RNF175: variants seen among roughly 807,000 people sequenced by gnomAD.
The protein encoded by RNF175 is ring finger protein 175.
RNF175 carries 38 observed loss-of-function variants against 50.0 expected under a neutral mutation model. The observed-to-expected ratio is 0.76, with a 90% CI of 0.59 to 1.00. The LOEUF is 1.00. Ranked by LOEUF, RNF175 falls within the 50% of genes least tolerant of loss-of-function variation. RNF175 has a pLI of 0.00. For missense variants in RNF175, 388 were observed against 409.6 expected, an observed-to-expected ratio of 0.95 and a Z score of 0.46; for synonymous variants, 155 against 146.1, an observed-to-expected ratio of 1.06 and a Z score of -0.44.
In RNF175 at chr4:153,723,553, A is replaced by G. The variant is rs932801663; in HGVS notation, c.402-95T>C. The G allele has an allele frequency of 1.5e-5, 10 of 648,302 alleles. No individual in the cohort carries two copies. In the Admixed American group the frequency reaches 2.6e-4, roughly 17 times the overall value. 40.2% of individuals were successfully genotyped at this position (648,302 alleles called of 1,614,324 possible). A position where few individuals can be genotyped will look rare whatever the true frequency, so the allele number is the denominator to read the frequency against. On this transcript the variant is annotated intron_variant, in intron 4 of 8. Coordinates refer to ENST00000347063, the MANE Select transcript of RNF175 (RefSeq NM_173662.4). ...ATTATAAAATATTTTGTCTTTTTCAAAGACTTATAAATCAGTTTTTAGTTT... is the reference window on the plus strand; with the variant it reads ...ATTATAAAATATTTTGTCTTTTTCAGAGACTTATAAATCAGTTTTTAGTTT...
intron 4 of RNF175, among the ~76,000 whole-genome samples, chr4:153,723,780 C>T (rs1490593421): frequency 2.0e-5 from 3 of 152,146 alleles, no homozygotes; most frequent in Admixed American, 2.0e-4. Flanking sequence ...CCACAGCGCC[C>T]CCTTCTCATT....
intron 3 of RNF175, among the ~76,000 whole-genome samples, chr4:153,733,340 A>T (rs1458033281): frequency 6.6e-6 from 1 of 152,244 alleles, no homozygotes; most frequent in Non-Finnish European, 1.5e-5. Flanking sequence ...AAGCTTTTAC[A>T]CATATTACTA....
chr4:153,756,069 C>A (rs768803558), intron 1 of RNF175, among the ~76,000 whole-genome samples: 1 of 152,112 alleles, frequency 6.6e-6, no homozygotes, highest in Non-Finnish European at 1.5e-5. Context: ...GGTGATACAT[C>A]CTGGGCATTT....
At chr4:153,734,669 T>C (rs76064339) in intron 3 of RNF175, among the ~76,000 whole-genome samples, 2,363 of 60,290 alleles carry the variant, frequency 0.039, 69 homozygotes, top group Non-Finnish European at 0.077. Context: ...TTTATTCTTT[T>C]TTTTTTTTTT....
At chr4:153,755,049 A>G (rs1740494188) in intron 1 of RNF175, among the ~76,000 whole-genome samples, 1 of 152,248 alleles carries the variant, frequency 6.6e-6, no homozygotes, top group African/African-American at 2.4e-5. Context: ...CCAGCACTGC[A>G]GGTAGGGAGA....
intron 3 of RNF175, among the ~76,000 whole-genome samples, chr4:153,738,882 T>G (rs2127142156): frequency 6.6e-6 from 1 of 152,332 alleles, no homozygotes; most frequent in Non-Finnish European, 1.5e-5. Context: ...TCAATTATAC[T>G]CCTTTACAAT....
intron 3 of RNF175, among the ~76,000 whole-genome samples, chr4:153,729,074 G>A (rs145826695): frequency 9.8e-5 from 15 of 152,326 alleles, no homozygotes; most frequent in Non-Finnish European, 2.1e-4. Flanking sequence ...TCACTGATGT[G>A]ATATGGTTAC....
intron 3 of RNF175, 166 bp downstream of exon 3, chr4:153,748,479 A>T (rs572723788): frequency 3.6e-6 from 2 of 560,254 alleles, no homozygotes; most frequent in East Asian, 3.3e-5. Context: ...GTTTCCAGAC[A>T]TTGCCAAATG....
intron 5 of RNF175, 60 bp downstream of exon 5, chr4:153,723,291 C>G (rs1738464097): frequency 1.2e-6 from 1 of 812,268 alleles, no homozygotes; most frequent in Non-Finnish European, 2.1e-6. Flanking sequence ...GAGAACATGA[C>G]CAGGTGAGTG....
intron 1 of RNF175, among the ~76,000 whole-genome samples, chr4:153,756,383 T>TC (rs369535567): frequency 9.2e-5 from 14 of 152,188 alleles, no homozygotes; most frequent in African/African-American, 1.7e-4. Flanking sequence ...CATACTTGTT[T>TC]CCCCCCAAGC....
At chr4:153,736,510 T>A (rs1739359044) in intron 3 of RNF175, among the ~76,000 whole-genome samples, 1 of 152,168 alleles carries the variant, frequency 6.6e-6, no homozygotes. Context: ...TTTATGAGGG[T>A]AATGCTGGCC....
intron 4 of RNF175, among the ~76,000 whole-genome samples, chr4:153,727,313 A>G (rs1330219763): frequency 6.6e-6 from 1 of 152,102 alleles, no homozygotes; most frequent in Non-Finnish European, 1.5e-5. Context: ...AGTTTAGTGG[A>G]ACTGAACTAA....
chr4:153,753,876 GA>G (rs1450952514), intron 1 of RNF175, among the ~76,000 whole-genome samples: 5 of 150,812 alleles, frequency 3.3e-5, no homozygotes, highest in Non-Finnish European at 5.9e-5. Flanking sequence ...TGTCTCTTAA[GA>G]AAATATTTTG....
chr4:153,710,530 T>C lies in RNF175; in HGVS notation c.867-41A>G. The C allele has an allele frequency of 2.5e-6, 4 of 1,585,248 alleles. No homozygotes were observed. In the South Asian group the frequency reaches 4.5e-5, roughly 18 times the overall value. On this transcript the variant is annotated intron_variant, in intron 8 of 8. Transcript: ENST00000347063. ...GGAGGTTGTTCTATATACAGCCAAG[T>C]AGCAGAAATATTCATAAATGTCATT...
At chr4:153,723,254 T>C in intron 5 of RNF175, 97 bp downstream of exon 5, 1 of 636,758 alleles carries the variant, frequency 1.6e-6, no homozygotes, top group Non-Finnish European at 2.9e-6. Flanking sequence ...GCATGGAAAA[T>C]TGTAGGGCCA....
At chr4:153,717,378 G>A (rs371546084) in intron 6 of RNF175, among the ~76,000 whole-genome samples, 19 of 152,114 alleles carry the variant, frequency 1.2e-4, no homozygotes, top group African/African-American at 3.9e-4. Context: ...TTCAAGGAGT[G>A]CCAGTTCCTT....
In RNF175 at chr4:153,736,442, A is replaced by G. The variant is rs1248717658; in HGVS notation, c.247-8081T>C. ...AGTTTCCTTTCCTTGTAATGTCTTC[A>G]TATGGTAAGTCTTGAAATTGGGCAG... is the stretch of plus-strand genomic sequence containing the variant. On this transcript the variant is annotated intron_variant, in intron 3 of 8. Transcript: ENST00000347063. 5.9e-5 allele frequency among the ~76,000 whole-genome samples: 9 copies of G among 152,070 alleles called. No homozygotes were observed. In the South Asian group the frequency reaches 6.2e-4, roughly 11 times the overall value.
chr4:153,718,851 G>T (rs1228150100), intron 6 of RNF175, among the ~76,000 whole-genome samples: 1 of 152,232 alleles, frequency 6.6e-6, no homozygotes, highest in African/African-American at 2.4e-5. Flanking sequence ...GACAATTGCT[G>T]TGGGGAGGAA....
At chr4:153,740,475 C>T (rs1407327583) in intron 3 of RNF175, among the ~76,000 whole-genome samples, 1 of 152,158 alleles carries the variant, frequency 6.6e-6, no homozygotes, top group East Asian at 1.9e-4. Context: ...AAAATCCTCT[C>T]TTAGCTATTT....
Sources: gnomAD v4.1 joint callset for allele counts (sites outside exome capture counted in the v4.1 genomes callset) on GRCh38, gnomAD v4.1.1 for gene constraint, MANE v1.5 for transcripts, NCBI Gene and HGNC (gene_info 2026-07-23, HGNC 2026-07-21) for gene names.